Variants in DNAH5 observed in about 807,000 individuals in gnomAD.
DNAH5 encodes axonemal beta dynein heavy chain 5.
A neutral mutation model predicts 518.2 loss-of-function variants in DNAH5; 372 were observed. The ratio of observed to expected loss-of-function variants is 0.72; its 90% CI spans 0.66 to 0.78. The LOEUF is 0.78. Ranked by LOEUF, DNAH5 falls within the 30% of genes least tolerant of loss-of-function variation. The pLI, the probability that DNAH5 is intolerant of heterozygous loss-of-function variation, is 0.00. For synonymous variants in DNAH5, 2,039 were observed against 2,025.9 expected (o/e 1.01, Z -0.17); for missense variants, 5,523 against 5,687.0 (o/e 0.97, Z 0.93).
At chr5:13,932,037 T>C (rs1778480241) in intron 1 of DNAH5, 1 of 152,276 alleles carries the variant, frequency 6.6e-6, no homozygotes, top group Non-Finnish European at 1.5e-5. Flanking sequence ...GAATAATACA[T>C]TACCTTTAAT....
intron 1 of DNAH5, among the ~76,000 whole-genome samples, chr5:13,968,340 C>T (rs1219456303): frequency 6.6e-6 from 1 of 152,076 alleles, no homozygotes; most frequent in Non-Finnish European, 1.5e-5. Context: ...CTAGGATTTC[C>T]AGTACTATGT....
intron 55 of DNAH5, among the ~76,000 whole-genome samples, chr5:13,771,584 G>A (rs1381269881): frequency 6.6e-6 from 1 of 152,134 alleles, no homozygotes; most frequent in Non-Finnish European, 1.5e-5. Context: ...ATTGCCAAAT[G>A]GGGGACCAAT....
At chr5:13,711,348 G>T in intron 75 of DNAH5, among the ~76,000 whole-genome samples, 2 of 152,124 alleles carry the variant, frequency 1.3e-5, no homozygotes, top group Middle Eastern at 3.4e-3. Flanking sequence ...CAACAAAATC[G>T]GCATACAAGG....
intron 30 of DNAH5, among the ~76,000 whole-genome samples, chr5:13,856,026 T>G (rs1050634333): frequency 6.6e-6 from 1 of 152,194 alleles, no homozygotes; most frequent in Non-Finnish European, 1.5e-5. Context: ...TAGCACTAAC[T>G]GCCCACAGGA....
At position 13,842,483 on chromosome 5, in the gene DNAH5, G is replaced by GAAAGAAAGAAAGAAAGAA. The variant is rs78049687; in HGVS notation, c.5272-580_5272-579insTTCTTTCTTTCTTTCTTT. Among the ~76,000 whole-genome samples, 12 of 78,380 alleles carry GAAAGAAAGAAAGAAAGAA rather than the reference G, an allele frequency of 1.5e-4. 2 individuals are homozygous for GAAAGAAAGAAAGAAAGAA. Among genetic ancestry groups the GAAAGAAAGAAAGAAAGAA allele is most frequent in the African/African-American group, 6.2e-4 (12 of 19,274 alleles). The allele number at this position is 78,380 out of a possible 152,430, so 51.4% of individuals were successfully genotyped here. The stretch of plus-strand genomic sequence containing the variant: ...AGAAAGAAAGAAAGAAAGAAAGAAA[G>GAAAGAAAGAAAGAAAGAA]AGAAAGAAAAGAAAGAAAGAAAGAA... On this transcript the variant is annotated intron_variant, in intron 32 of 78. Transcript: ENST00000265104.
intron 31 of DNAH5, among the ~76,000 whole-genome samples, chr5:13,849,242 G>C (rs1766477829): frequency 6.6e-6 from 1 of 152,190 alleles, no homozygotes; most frequent in Admixed American, 6.5e-5. Context: ...ATTCTTGTCA[G>C]GGTTTACATC....
chr5:13,967,416 C>G (rs938829466), intron 1 of DNAH5, among the ~76,000 whole-genome samples: 8 of 152,168 alleles, frequency 5.3e-5, no homozygotes, highest in Admixed American at 5.2e-4. Context: ...TATCCCAGCA[C>G]CATTTGTTGA....
chr5:13,936,882 G>A (rs966762112), intron 1 of DNAH5, among the ~76,000 whole-genome samples: 1 of 152,156 alleles, frequency 6.6e-6, no homozygotes, highest in African/African-American at 2.4e-5. Flanking sequence ...GGGCTATTGG[G>A]TCTGAGAGTT....
chr5:13,701,010 C>G, intron 77 of DNAH5, 139 bp from the exon 78 acceptor site: 1 of 1,002,440 alleles, frequency 1.0e-6, no homozygotes, highest in Non-Finnish European at 1.5e-6. Flanking sequence ...AGCAAGATTC[C>G]CTCATTAAAA....
intron 34 of DNAH5, among the ~76,000 whole-genome samples, chr5:13,839,780 C>T (rs1277315657): frequency 2.0e-5 from 3 of 152,144 alleles, no homozygotes; most frequent in Non-Finnish European, 2.9e-5. Flanking sequence ...AGTGCCTTTA[C>T]GTATTTTAAT....
chr5:13,878,284 A>T (rs1771169371), intron 21 of DNAH5, among the ~76,000 whole-genome samples: 1 of 152,200 alleles, frequency 6.6e-6, no homozygotes, highest in South Asian at 2.1e-4. Flanking sequence ...GGCATATGTG[A>T]ATTTCCCCAG....
At chr5:13,765,883 A>C (rs1307649254) in intron 59 of DNAH5, 93 bp downstream of exon 59, 17 of 1,259,056 alleles carry the variant, frequency 1.4e-5, no homozygotes, top group Non-Finnish European at 2.0e-5. Context: ...TATGTAGAGT[A>C]AGTTCTTTTT....
chr5:13,753,388 T>C lies in DNAH5; in HGVS notation c.10717A>G (p.Ile3573Val), dbSNP rs1409719852. Reference sequence around the variant, plus strand: ...AGACCTTGGAGGTTCCATTCACTAATAGTAGGAGCATCAATCAACATCTCA... The same window carrying C: ...AGACCTTGGAGGTTCCATTCACTAACAGTAGGAGCATCAATCAACATCTCA... ...LSEMLIDAPTISEWNLQGLPN... is the reference protein window; with the variant it reads ...LSEMLIDAPTVSEWNLQGLPN... Residue 3573 changes from isoleucine (I) to valine (V), a missense_variant, in exon 63 of 79, where the codon ATT becomes GTT. Physicochemically the swap from Ile to Val is conservative, Grantham distance 29 (BLOSUM62 3). This residue lies in a region of DNAH5 where 5,121 missense variants were observed against 5,223.3 expected (regional missense o/e 0.98). Coordinates refer to ENST00000265104, the MANE Select transcript of DNAH5 (RefSeq NM_001369.3). 5 of 1,613,842 alleles carry C rather than the reference T, an allele frequency of 3.1e-6. No homozygotes were observed. The highest frequency in any genetic ancestry group is 4.5e-5 in the East Asian group (2 of 44,870).
chr5:13,966,448 C>T (rs1781536676), intron 1 of DNAH5, among the ~76,000 whole-genome samples: 1 of 152,190 alleles, frequency 6.6e-6, no homozygotes, highest in Non-Finnish European at 1.5e-5. Flanking sequence ...ACACTGTTTT[C>T]CATAGTGGTT....
chr5:13,867,503 T>C (rs1460464989), intron 25 of DNAH5, among the ~76,000 whole-genome samples: 1 of 152,174 alleles, frequency 6.6e-6, no homozygotes, highest in African/African-American at 2.4e-5. Context: ...TCCCAAGCCA[T>C]GCTGAACTGT....
intron 32 of DNAH5, among the ~76,000 whole-genome samples, chr5:13,843,885 T>C (rs373001412): frequency 2.8e-4 from 42 of 152,186 alleles, no homozygotes; most frequent in African/African-American, 8.9e-4. Context: ...TAATAACAAT[T>C]CAAGTCCAAA....
intron 1 of DNAH5, among the ~76,000 whole-genome samples, chr5:13,933,410 T>C (rs57472581): frequency 0.043 from 6,559 of 152,174 alleles, 187 homozygotes; most frequent in African/African-American, 0.067. Flanking sequence ...AACAAACATA[T>C]TGAAATGAAA....
intron 1 of DNAH5, among the ~76,000 whole-genome samples, chr5:13,937,563 C>T (rs1055964970): frequency 5.3e-5 from 8 of 151,732 alleles, no homozygotes; most frequent in Non-Finnish European, 1.0e-4. Context: ...CTGCTTCCAT[C>T]TGACAGTATC....
Position 13,931,251 on chromosome 5 carries a change from G to C in DNAH5, c.58-7C>G. On this transcript the variant is annotated splice_region_variant and splice_polypyrimidine_tract_variant and intron_variant, in intron 1 of 78. Coordinates refer to ENST00000265104, the MANE Select transcript of DNAH5 (RefSeq NM_001369.3). ...TCTCTCCCTTCAGTCTTTGCTAAAA[G>C]AAAAGAATAAAAATGTTACATGGAA... is the stretch of plus-strand genomic sequence containing the variant. 1 of 1,613,952 alleles carries C rather than the reference G, an allele frequency of 6.2e-7. No homozygotes were observed. The highest frequency in any genetic ancestry group is 8.5e-7 in the Non-Finnish European group (1 of 1,179,872).
Sources: allele counts gnomAD v4.1 joint callset (sites outside exome capture counted in the v4.1 genomes callset), GRCh38; gene constraint gnomAD v4.1.1; regional missense constraint gnomAD v4.1.1; transcripts MANE v1.5; gene names NCBI Gene and HGNC (gene_info 2026-07-23, HGNC 2026-07-21).